Variants in AKAP6 observed in about 807,000 individuals in gnomAD.
AKAP6 encodes the protein A-kinase anchor protein 6.
AKAP6 carries 58 observed loss-of-function variants against 188.5 expected under a neutral mutation model. The ratio of observed to expected loss-of-function variants is 0.31; its 90% CI spans 0.25 to 0.38. AKAP6 has a LOEUF of 0.38. Ranked by LOEUF, AKAP6 falls within the 10% of genes least tolerant of loss-of-function variation. The pLI is 1.00. For missense variants in AKAP6, 2,710 were observed against 2,740.0 expected, an observed-to-expected ratio of 0.99 and a Z score of 0.24; for synonymous variants, 989 against 998.6, an observed-to-expected ratio of 0.99 and a Z score of 0.18.
rs78186579 is a variant in AKAP6, at chr14:32,480,206, A to G, written c.324+46389A>G. On this transcript the variant is annotated intron_variant, in intron 2 of 13. Coordinates refer to ENST00000280979, the MANE Select transcript of AKAP6 (RefSeq NM_004274.5). ...CTGAGAGAAAAATACTAACTCCTATATCAGATATTTAGAAGAAGCAGTTGA... is the reference window on the plus strand; with the variant it reads ...CTGAGAGAAAAATACTAACTCCTATGTCAGATATTTAGAAGAAGCAGTTGA... Among the ~76,000 whole-genome samples, 382 of 152,326 alleles carry G rather than the reference A, an allele frequency of 2.5e-3. 4 individuals are homozygous for G. The highest frequency in any genetic ancestry group is 7.6e-3 in the African/African-American group (318 of 41,582).
chr14:32,803,532 G>A (rs559140378), intron 12 of AKAP6, among the ~76,000 whole-genome samples: 73 of 152,216 alleles, frequency 4.8e-4, no homozygotes, highest in African/African-American at 1.7e-3. Flanking sequence ...CCAGAGTCGA[G>A]CTCAAATACC....
intron 8 of AKAP6, among the ~76,000 whole-genome samples, chr14:32,685,465 C>T (rs1205582196): frequency 2.0e-5 from 3 of 151,906 alleles, no homozygotes; most frequent in African/African-American, 7.3e-5. Flanking sequence ...GATTACATGC[C>T]TGTAATCCCA....
Position 32,527,204 on chromosome 14 carries a change from T to A in AKAP6, c.325-8350T>A, listed in dbSNP as rs75989046. ...TGGAATAGTACGGTTTGTAGCCTTT[T>A]CAGATTGACTTCTTTCACTTAGTAA... On this transcript the variant is annotated intron_variant, in intron 2 of 13. Coordinates refer to ENST00000280979, the MANE Select transcript of AKAP6 (RefSeq NM_004274.5). 7.4e-3 allele frequency among the ~76,000 whole-genome samples: 1,125 copies of A among 152,360 alleles called. 12 individuals carry two copies. Among genetic ancestry groups the A allele is most frequent in the African/African-American group, 0.026 (1,063 of 41,582 alleles).
At chr14:32,367,982 A>T (rs1195836375) in intron 1 of AKAP6, among the ~76,000 whole-genome samples, 4 of 152,158 alleles carry the variant, frequency 2.6e-5, no homozygotes, top group Non-Finnish European at 5.9e-5. Flanking sequence ...GACTGCTAAA[A>T]AGCCCAAACT....
At chr14:32,410,968 A>G (rs1237598195) in intron 1 of AKAP6, among the ~76,000 whole-genome samples, 2 of 152,234 alleles carry the variant, frequency 1.3e-5, no homozygotes, top group Admixed American at 6.5e-5. Flanking sequence ...AACTTGAACT[A>G]GTATCCATTA....
At chr14:32,707,294 C>T (rs544191807) in intron 9 of AKAP6, among the ~76,000 whole-genome samples, 1 of 152,178 alleles carries the variant, frequency 6.6e-6, no homozygotes, top group Admixed American at 6.6e-5. Flanking sequence ...AATAACTGTA[C>T]AAAATTCCTT....
At position 32,834,045 on chromosome 14, in the gene AKAP6, G is replaced by A. The variant is rs1282617135; in HGVS notation, c.*4240G>A. 1 of 152,162 alleles carries A rather than the reference G, an allele frequency of 6.6e-6. No homozygotes were observed. The highest frequency in any genetic ancestry group is 1.5e-5 in the Non-Finnish European group (1 of 68,030). The allele number at this position is 152,162 out of a possible 1,614,324, so 9.4% of individuals were successfully genotyped here. Reference sequence around the variant, plus strand: ...TCTGCAAATACTTCAGCATGTGTTAGCTGAGAACATGGGTATTCTTCTGCA... The same window carrying A: ...TCTGCAAATACTTCAGCATGTGTTAACTGAGAACATGGGTATTCTTCTGCA... On this transcript the variant is annotated 3_prime_UTR_variant, in exon 14 of 14. Coordinates refer to ENST00000280979, the MANE Select transcript of AKAP6 (RefSeq NM_004274.5).
chr14:32,424,909 G>C (rs1889979534), intron 1 of AKAP6, among the ~76,000 whole-genome samples: 1 of 152,092 alleles, frequency 6.6e-6, no homozygotes, highest in African/African-American at 2.4e-5. Context: ...ATCATTGATG[G>C]GCATTTAGGT....
intron 7 of AKAP6, among the ~76,000 whole-genome samples, chr14:32,662,196 G>A (rs999942818): frequency 2.0e-5 from 3 of 152,022 alleles, no homozygotes; most frequent in African/African-American, 7.2e-5. Context: ...AAATTTTATA[G>A]TTCTCTTTAA....
At chr14:32,494,375 G>T (rs972296210) in intron 2 of AKAP6, 1 of 152,124 alleles carries the variant, frequency 6.6e-6, no homozygotes, top group Non-Finnish European at 1.5e-5. Context: ...AACTCACATC[G>T]TAAGGAGGCA....
intron 2 of AKAP6, among the ~76,000 whole-genome samples, chr14:32,437,095 TC>T (rs1890405570): frequency 6.6e-6 from 1 of 152,190 alleles, no homozygotes; most frequent in African/African-American, 2.4e-5. Context: ...CACTGTAAGT[TC>T]CAAAGAAGCA....
chr14:32,835,802 T>C lies in AKAP6; in HGVS notation c.*5997T>C, dbSNP rs1355969509. ...ACCTTTGATAGCACTGCCACACTTC[T>C]GGGAAGGGAACGTTCAAGGAAACCG... On this transcript the variant is annotated 3_prime_UTR_variant, in exon 14 of 14. Transcript: ENST00000280979. 2.0e-5 allele frequency: 3 copies of C among 152,266 alleles called. No homozygotes were observed. The highest frequency in any genetic ancestry group is 4.8e-5 in the African/African-American group (2 of 41,470). 9.4% of individuals were successfully genotyped at this position (152,266 alleles called of 1,614,324 possible). A position where few individuals can be genotyped will look rare whatever the true frequency, so the allele number is the denominator to read the frequency against.
intron 2 of AKAP6, among the ~76,000 whole-genome samples, chr14:32,461,573 A>G (rs1336052698): frequency 2.0e-5 from 3 of 152,190 alleles, no homozygotes; most frequent in Non-Finnish European, 4.4e-5. Flanking sequence ...CTCCATCTAA[A>G]GGCCATCAGC....
intron 9 of AKAP6, among the ~76,000 whole-genome samples, chr14:32,722,344 TAACCCTGTG>T (rs1354509137): frequency 1.3e-5 from 2 of 152,220 alleles, no homozygotes; most frequent in African/African-American, 4.8e-5. Flanking sequence ...TTTCTTTTTT[TAACCCTGTG>T]TTTTTCTTAA....
At chr14:32,396,206 T>C (rs574480141) in intron 1 of AKAP6, among the ~76,000 whole-genome samples, 1 of 152,212 alleles carries the variant, frequency 6.6e-6, no homozygotes, top group Non-Finnish European at 1.5e-5. Flanking sequence ...TGAAATATGA[T>C]AAATTTCACT....
chr14:32,492,371 G>T (rs1300653528), intron 2 of AKAP6, among the ~76,000 whole-genome samples: 5 of 126,424 alleles, frequency 4.0e-5, no homozygotes, highest in African/African-American at 1.3e-4. Flanking sequence ...GAGAGAGAGA[G>T]AGAGAGAGAG....
At chr14:32,748,842 G>A (rs758030776) in intron 11 of AKAP6, among the ~76,000 whole-genome samples, 5 of 152,048 alleles carry the variant, frequency 3.3e-5, no homozygotes, top group African/African-American at 7.2e-5. Context: ...CATTTACTTC[G>A]AGTCCATTTT....
chr14:32,353,367 CT>C (rs36049198), intron 1 of AKAP6, among the ~76,000 whole-genome samples: 23,615 of 152,156 alleles, frequency 0.16, 2,025 homozygotes, highest in East Asian at 0.37. Flanking sequence ...CGAAACCATC[CT>C]GGCTAACACG....
chr14:32,825,911 G>T (rs540625132), intron 13 of AKAP6, among the ~76,000 whole-genome samples: 34 of 152,118 alleles, frequency 2.2e-4, no homozygotes, highest in South Asian at 6.2e-4. Context: ...CTTTTTTGTG[G>T]CAGATTGTTT....
Sources: allele counts gnomAD v4.1 joint callset (sites outside exome capture counted in the v4.1 genomes callset), GRCh38; gene constraint gnomAD v4.1.1; transcripts MANE v1.5; gene names NCBI Gene and HGNC (gene_info 2026-07-23, HGNC 2026-07-21).